DMD: variants seen among roughly 807,000 people sequenced by gnomAD.
The protein encoded by DMD is dystrophin.
A neutral mutation model predicts 330.1 loss-of-function variants in DMD; 63 were observed. The ratio of observed to expected loss-of-function variants is 0.19; its 90% CI spans 0.16 to 0.24. The LOEUF (loss-of-function observed/expected upper bound fraction) is 0.24, where lower values mean the gene tolerates loss of function less well. Among genes scored for constraint, DMD ranks in the 10% least tolerant of loss-of-function variants. The pLI is 1.00. For missense variants in DMD, 3,344 were observed against 2,684.1 expected (o/e 1.25, Z -5.43); for synonymous variants, 1,223 against 959.8 (o/e 1.27, Z -5.07).
Position 33,134,537 on chromosome X carries a change from CCA to C in DMD, c.31+76743_31+76744del, listed in dbSNP as rs749513063. On this transcript the variant is annotated intron_variant, in intron 1 of 78. Coordinates refer to ENST00000357033, the MANE Select transcript of DMD (RefSeq NM_004006.3). ...TAAAACATTCAACACCTCACAGTGA[CCA>C]CAGTTAAAAATAATGTATTATAGGT... Among the ~76,000 whole-genome samples, 7 of 111,487 alleles carry C rather than the reference CCA, an allele frequency of 6.3e-5. No homozygotes were observed. The South Asian group carries it at 2.7e-3, about 42-fold the overall frequency.
chrX:32,885,827 G>GGAAA (rs1557115361), intron 2 of DMD, among the ~76,000 whole-genome samples: 52 of 64,940 alleles, frequency 8.0e-4, no homozygotes, highest in African/African-American at 2.0e-3. Context: ...CCTTGAGGGG[G>GGAAA]AAAAAAAAAA....
intron 55 of DMD, among the ~76,000 whole-genome samples, chrX:31,513,440 C>T (rs981995048): frequency 9.1e-6 from 1 of 110,393 alleles, no homozygotes; most frequent in Non-Finnish European, 1.9e-5. Context: ...AAAGACTACA[C>T]CTCAGACTCA....
intron 7 of DMD, among the ~76,000 whole-genome samples, chrX:32,710,371 G>A (rs1412783998): frequency 9.0e-6 from 1 of 110,505 alleles, no homozygotes; most frequent in Non-Finnish European, 1.9e-5. Context: ...TTTTCTTATT[G>A]ATCACATTTC....
chrX:33,231,194 T>C (rs997149386), intron 1 of DMD, among the ~76,000 whole-genome samples: 2 of 111,576 alleles, frequency 1.8e-5, no homozygotes, highest in Non-Finnish European at 3.8e-5. Context: ...AGCAATCATA[T>C]GTACAACTTG....
intron 2 of DMD, among the ~76,000 whole-genome samples, chrX:33,003,505 A>G (rs1297784747): frequency 8.9e-6 from 1 of 112,154 alleles, no homozygotes; most frequent in East Asian, 2.8e-4. Flanking sequence ...GTGGAAATAG[A>G]AAATATATAA....
intron 43 of DMD, among the ~76,000 whole-genome samples, chrX:32,230,305 C>T (rs1186606398): frequency 1.8e-5 from 2 of 112,211 alleles, no homozygotes; most frequent in South Asian, 3.6e-4. Flanking sequence ...AGTGCAGCGG[C>T]GCGATCTCGG....
intron 55 of DMD, among the ~76,000 whole-genome samples, chrX:31,522,896 C>G (rs148378732): frequency 1.1e-3 from 128 of 111,563 alleles, no homozygotes; most frequent in Middle Eastern, 4.7e-3. Flanking sequence ...AGCAGGGAGT[C>G]AGACAGTCTA....
intron 44 of DMD, among the ~76,000 whole-genome samples, chrX:32,027,591 C>A (rs938518556): frequency 5.4e-5 from 6 of 111,734 alleles, no homozygotes; most frequent in African/African-American, 2.0e-4. Flanking sequence ...AAGACTGAAC[C>A]CTTTAGCCTG....
chrX:32,558,944 T>C (rs891429853), intron 16 of DMD, among the ~76,000 whole-genome samples: 2 of 38,214 alleles, frequency 5.2e-5, no homozygotes, highest in African/African-American at 1.7e-4. Flanking sequence ...TTTTCTTTTT[T>C]TTTTTTTTTT....
intron 9 of DMD, among the ~76,000 whole-genome samples, chrX:32,649,029 C>A (rs753112454): frequency 8.1e-5 from 9 of 111,090 alleles, no homozygotes; most frequent in African/African-American, 2.6e-4. Flanking sequence ...GTCTTTATCA[C>A]AGTAGTTTAT....
At chrX:32,516,326 A>G (rs1417392851) in intron 18 of DMD, among the ~76,000 whole-genome samples, 1 of 111,794 alleles carries the variant, frequency 8.9e-6, no homozygotes, top group African/African-American at 3.2e-5. Context: ...TTAGTAGGCA[A>G]TTAAGAATGA....
intron 9 of DMD, among the ~76,000 whole-genome samples, chrX:32,697,427 G>A (rs2063738383): frequency 8.9e-6 from 1 of 111,883 alleles, no homozygotes; most frequent in South Asian, 3.6e-4. Context: ...ATATATTTTA[G>A]AATGAATAGA....
chrX:31,687,242 G>T (rs1201454178), intron 52 of DMD, among the ~76,000 whole-genome samples: 1 of 111,261 alleles, frequency 9.0e-6, no homozygotes, highest in East Asian at 2.8e-4. Context: ...ATTCCCAGCT[G>T]TGGTGGTTAT....
intron 60 of DMD, among the ~76,000 whole-genome samples, chrX:31,401,781 T>C (rs1272995997): frequency 9.0e-6 from 1 of 111,216 alleles, no homozygotes; most frequent in East Asian, 2.8e-4. Flanking sequence ...TACAACTTAT[T>C]AAAACAAGTA....
chrX:32,509,828 G>A (rs2045090744), intron 18 of DMD, among the ~76,000 whole-genome samples: 1 of 111,282 alleles, frequency 9.0e-6, no homozygotes, highest in African/African-American at 3.3e-5. Flanking sequence ...GAGTGTCCTA[G>A]GCCTCAATCT....
chrX:31,155,228 T>C (rs2037966654), intron 74 of DMD, among the ~76,000 whole-genome samples: 1 of 112,586 alleles, frequency 8.9e-6, no homozygotes. Context: ...AATCTCTGTG[T>C]AATTTAAACT....
chrX:32,863,509 C>CAAAAAAAAAAAAAAAAAAAAA (rs544421635), intron 2 of DMD, among the ~76,000 whole-genome samples: 1 of 49,083 alleles, frequency 2.0e-5, no homozygotes, highest in African/African-American at 1.3e-4. Flanking sequence ...GACTCCGTCT[C>CAAAAAAAAAAAAAAAAAAAAA]AAAAAAAAAA....
chrX:32,253,625 C>CTTT (rs200535114), intron 43 of DMD, among the ~76,000 whole-genome samples: 1 of 89,044 alleles, frequency 1.1e-5, no homozygotes. Flanking sequence ...TTGATTTAAT[C>CTTT]TTTTTTTTTT....
chrX:31,648,047 A>C (rs1186863452), intron 54 of DMD, among the ~76,000 whole-genome samples: 1 of 112,222 alleles, frequency 8.9e-6, no homozygotes, highest in African/African-American at 3.2e-5. Flanking sequence ...AAAGATAAAC[A>C]CCTGTCCATT....
Sources: allele counts gnomAD v4.1 joint callset (sites outside exome capture counted in the v4.1 genomes callset), GRCh38; gene constraint gnomAD v4.1.1; transcripts MANE v1.5; gene names NCBI Gene and HGNC (gene_info 2026-07-23, HGNC 2026-07-21).